Variants in ZNF862 observed in about 807,000 individuals in gnomAD.
ZNF862 encodes the protein zinc finger protein 862.
ZNF862 carries 64 observed loss-of-function variants against 91.1 expected under a neutral mutation model. The observed-to-expected ratio is 0.70, with a 90% CI of 0.57 to 0.87. The LOEUF is 0.87. Among genes scored for constraint, ZNF862 ranks in the 40% least tolerant of loss-of-function variants. The pLI is 0.00. For missense variants in ZNF862, 1,459 were observed against 1,528.0 expected (o/e 0.95, Z 0.75); for synonymous variants, 631 against 618.1 (o/e 1.02, Z -0.31).
Position 149,864,219 on chromosome 7 carries a change from A to C in ZNF862, c.3445A>C (p.Ile1149Leu). 1 of 1,600,908 alleles carries C rather than the reference A, an allele frequency of 6.2e-7. No homozygotes were observed. The highest frequency in any genetic ancestry group is 8.5e-7 in the Non-Finnish European group (1 of 1,174,230). ...AGCAGCGGAGGTTCTGAAGGACTGC[A>C]TCATGGAGCCTCCCGAGAGACTCCT... Reference protein sequence around the residue: ...REAAEVLKDCIMEPPERLLYP... With the variant: ...REAAEVLKDCLMEPPERLLYP... Residue 1149 changes from isoleucine (I) to leucine (L), a missense_variant, in exon 8 of 8, where the codon ATC becomes CTC. By Grantham distance (5) the Ile-to-Leu change is conservative. Coordinates refer to ENST00000223210, the MANE Select transcript of ZNF862 (RefSeq NM_001099220.3).
rs2128942016 is a variant in ZNF862, at chr7:149,861,234, G to T, written c.2074G>T (p.Val692Leu). The T allele has an allele frequency of 6.2e-7, 1 of 1,612,198 alleles. No homozygotes were observed. The highest frequency in any genetic ancestry group is 1.6e-4 in the Middle Eastern group (1 of 6,062). Residue 692 changes from valine (V) to leucine (L), a missense_variant, in exon 7 of 8, where the codon GTG becomes TTG. By Grantham distance (32) the Val-to-Leu change is conservative. Coordinates refer to ENST00000223210, the MANE Select transcript of ZNF862 (RefSeq NM_001099220.3). The surrounding 1 kb of genome is among the most constrained non-coding windows in gnomAD (Gnocchi z 6.7). ...DIPFRKPGWV[V>L]GLGTDGSAML... ...CCCCTTCCGGAAGCCTGGCTGGGTG[G>T]TGGGGCTGGGGACGGATGGCTCAGC... is the stretch of plus-strand genomic sequence containing the variant.
intron 5 of ZNF862, among the ~76,000 whole-genome samples, chr7:149,853,356 G>C (rs1036194006): frequency 1.3e-5 from 2 of 152,210 alleles, no homozygotes; most frequent in Admixed American, 1.3e-4. Flanking sequence ...GTTTGTGGGT[G>C]TGTGCACGCA....
At position 149,848,219 on chromosome 7, in the gene ZNF862, C is replaced by G. The variant is rs566382954; in HGVS notation, c.726C>G (p.Phe242Leu). The G allele has an allele frequency of 5.6e-6, 9 of 1,613,910 alleles. No individual in the cohort carries two copies. The African/African-American group carries it at 1.2e-4, about 22-fold the overall frequency. Residue 242 changes from phenylalanine (F) to leucine (L), a missense_variant, in exon 4 of 8, where the codon TTC (phenylalanine) becomes TTG (leucine). Coordinates refer to ENST00000223210, the MANE Select transcript of ZNF862 (RefSeq NM_001099220.3). Reference protein sequence around the residue: ...EPLFTADCPIFYPPGPLGGFD... With the variant: ...EPLFTADCPILYPPGPLGGFD... ...TCTTCACTGCAGATTGCCCCATATT[C>G]TACCCCCCAGGGCCTCTGGGAGGAT...
rs1802631274 is a variant in ZNF862, at chr7:149,864,228, C to T, written c.3454C>T (p.Pro1152Ser). The change falls in exon 8 of 8, where the codon CCT (proline) becomes TCT (serine). Residue 1152 changes from proline to serine, a missense_variant. Pro to Ser is a moderately conservative substitution (Grantham distance 74). Coordinates refer to ENST00000223210, the MANE Select transcript of ZNF862 (RefSeq NM_001099220.3). ...GGTTCTGAAGGACTGCATCATGGAG[C>T]CTCCCGAGAGACTCCTGTATCCCCA... ...AEVLKDCIME[P>S]PERLLYPHTS... 3 of 1,601,276 alleles carry T rather than the reference C, an allele frequency of 1.9e-6. No homozygotes were observed. The highest frequency in any genetic ancestry group is 2.6e-6 in the Non-Finnish European group (3 of 1,174,500).
chr7:149,840,468 G>A (rs1586035884), intron 1 of ZNF862, among the ~76,000 whole-genome samples: 2 of 151,970 alleles, frequency 1.3e-5, no homozygotes, highest in Non-Finnish European at 1.5e-5. Flanking sequence ...TGATAAATTC[G>A]GCGTAGCCTT....
intron 1 of ZNF862, among the ~76,000 whole-genome samples, chr7:149,842,570 A>C (rs977406807): frequency 1.3e-5 from 2 of 152,240 alleles, no homozygotes; most frequent in Non-Finnish European, 2.9e-5. Context: ...CTTGTTAGGA[A>C]GACACTATTA....
At chr7:149,859,640 A>G (rs1421445395) in intron 6 of ZNF862, 114 bp downstream of exon 6, 2 of 857,048 alleles carry the variant, frequency 2.3e-6, no homozygotes, top group East Asian at 5.3e-5. Context: ...ATTGGGCACC[A>G]AGCCTGGCAG....
In ZNF862 at chr7:149,861,630, C is replaced by T. The variant is rs375198728; in HGVS notation, c.2470C>T (p.Arg824Trp). 158 of 1,604,026 alleles carry T rather than the reference C, an allele frequency of 9.9e-5. No homozygotes were observed. Among genetic ancestry groups the T allele is most frequent in the East Asian group, 4.5e-4 (20 of 44,546 alleles). ...AGAGGCTGGGGGCCAGATTGGGCAC[C>T]GGGCCAAAGGGATGCTGAAGCTCAT... ...VAEAGGQIGH[R>W]AKGMLKLMRG... The change falls in exon 7 of 8, where the codon CGG becomes TGG. Residue 824 changes from arginine (R) to tryptophan (W), a missense_variant. Arg to Trp is a moderately radical substitution (Grantham distance 101, BLOSUM62 -3). Coordinates refer to ENST00000223210, the MANE Select transcript of ZNF862 (RefSeq NM_001099220.3). This position sits in a 1 kb window ranked among gnomAD's most constrained non-coding sequence, Gnocchi z 6.7.
At chr7:149,846,505 T>C (rs1358948449) in intron 3 of ZNF862, among the ~76,000 whole-genome samples, 1 of 152,256 alleles carries the variant, frequency 6.6e-6, no homozygotes, top group East Asian at 1.9e-4. Flanking sequence ...ATAAGTTCCA[T>C]GAAGGCATGA....
In ZNF862 at chr7:149,838,633, A is replaced by G; in HGVS notation, c.22A>G (p.Lys8Glu). 1 of 1,227,642 alleles carries G rather than the reference A, an allele frequency of 8.1e-7. No homozygotes were observed. Among genetic ancestry groups the G allele is most frequent in the Non-Finnish European group, 1.0e-6 (1 of 979,998 alleles). 76.0% of individuals were successfully genotyped at this position (1,227,642 alleles called of 1,614,324 possible). MEPRESG[K>E]APVTFDDITV... ...GGCCATGGAGCCCAGAGAGTCGGGG[A>G]AGGTAGGACTGGAAGGCCCGGGGGC... Residue 8 changes from lysine to glutamate, a missense_variant and splice_region_variant, in exon 1 of 8, where the codon AAG (lysine) becomes GAG (glutamate). Lys to Glu is a moderately conservative substitution (Grantham distance 56). Transcript: ENST00000223210.
At chr7:149,838,791 C>T (rs1479569745) in intron 1 of ZNF862, among the ~76,000 whole-genome samples, 156 bp downstream of exon 1, 3 of 152,234 alleles carry the variant, frequency 2.0e-5, no homozygotes, top group Non-Finnish European at 4.4e-5. Flanking sequence ...ACTTCGGCGC[C>T]CGACCCCGGG....
chr7:149,860,439 T>A lies in ZNF862; in HGVS notation c.1279T>A (p.Ser427Thr). Residue 427 changes from serine to threonine, a missense_variant, in exon 7 of 8, where the codon TCC becomes ACC. Physicochemically the swap from Ser to Thr is moderately conservative, Grantham distance 58 (BLOSUM62 1). Coordinates refer to ENST00000223210, the MANE Select transcript of ZNF862 (RefSeq NM_001099220.3). The part of the protein sequence containing the change: ...EADTQASAAD[S>T]ALLPGSPVEA... ...AGACACACAGGCCTCGGCTGCAGAC[T>A]CCGCGTTGCTTCCAGGCTCTCCCGT... 6.2e-6 allele frequency: 10 copies of A among 1,613,922 alleles called. No individual in the cohort carries two copies. Among genetic ancestry groups the A allele is most frequent in the Non-Finnish European group, 8.5e-6 (10 of 1,179,848 alleles).
chr7:149,841,509 T>C (rs1417177706), intron 1 of ZNF862: 4 of 983,606 alleles, frequency 4.1e-6, no homozygotes, highest in Non-Finnish European at 4.8e-6. Context: ...GACTCTTACA[T>C]CCCCAGCTAG....
At chr7:149,849,486 G>A (rs1801989759) in intron 4 of ZNF862, among the ~76,000 whole-genome samples, 1 of 152,206 alleles carries the variant, frequency 6.6e-6, no homozygotes, top group Non-Finnish European at 1.5e-5. Context: ...CTATTGCATA[G>A]AAGTAGAATT....
rs1426212228 is a variant in ZNF862, at chr7:149,861,528, G to A, written c.2368G>A (p.Val790Met). The change falls in exon 7 of 8, where the codon GTG becomes ATG. Residue 790 changes from valine (V) to methionine (M), a missense_variant. Coordinates refer to ENST00000223210, the MANE Select transcript of ZNF862 (RefSeq NM_001099220.3). The surrounding 1 kb of genome is among the most constrained non-coding windows in gnomAD (Gnocchi z 6.7). Reference sequence around the variant, plus strand: ...GAAGGATCTGAATGCGGTCCGCTGGGTGGCCAGCAGGAGGCGCACGCTGCA... The same window carrying A: ...GAAGGATCTGAATGCGGTCCGCTGGATGGCCAGCAGGAGGCGCACGCTGCA... ...RLKDLNAVRWVASRRRTLHAL... is the reference protein window; with the variant it reads ...RLKDLNAVRWMASRRRTLHAL... 6.2e-7 allele frequency: 1 copy of A among 1,606,478 alleles called. No homozygotes were observed. Among genetic ancestry groups the A allele is most frequent in the Non-Finnish European group, 8.5e-7 (1 of 1,177,286 alleles).
chr7:149,859,589 C>G (rs970542088), intron 6 of ZNF862, 63 bp downstream of exon 6: 2 of 1,335,020 alleles, frequency 1.5e-6, no homozygotes, highest in Non-Finnish European at 2.1e-6. Flanking sequence ...TATGATGAGT[C>G]AAACAGCATG....
At chr7:149,844,884 T>G (rs555045828) in intron 2 of ZNF862, 148 bp downstream of exon 2, 7 of 611,200 alleles carry the variant, frequency 1.1e-5, no homozygotes, top group Admixed American at 1.1e-4. Flanking sequence ...ATCCCGTATC[T>G]ACCTTAATTG....
At chr7:149,851,041 T>C (rs1009267397) in intron 5 of ZNF862, among the ~76,000 whole-genome samples, 11 of 152,266 alleles carry the variant, frequency 7.2e-5, no homozygotes, top group Non-Finnish European at 1.3e-4. Flanking sequence ...TGCTGTTTTA[T>C]CTTCTCTTTG....
intron 4 of ZNF862, 114 bp downstream of exon 4, chr7:149,848,546 A>G (rs779748275): frequency 6.9e-6 from 6 of 868,298 alleles, no homozygotes; most frequent in Non-Finnish European, 1.0e-5. Flanking sequence ...CACTGCTAAC[A>G]TCATAATGTT....
Sources: allele counts gnomAD v4.1 joint callset (sites outside exome capture counted in the v4.1 genomes callset), GRCh38; gene constraint gnomAD v4.1.1; non-coding constraint Gnocchi (gnomAD v3.1); transcripts MANE v1.5; gene names NCBI Gene and HGNC (gene_info 2026-07-23, HGNC 2026-07-21).